KCNJ16: variants seen among roughly 807,000 people sequenced by gnomAD.
KCNJ16 encodes potassium inwardly rectifying channel subfamily J member 16, also known as inward rectifier potassium channel 16.
KCNJ16 carries 15 observed loss-of-function variants against 18.5 expected under a neutral mutation model. The ratio of observed to expected loss-of-function variants is 0.81; its 90% CI spans 0.54 to 1.25. The LOEUF (loss-of-function observed/expected upper bound fraction) is 1.25, where lower values mean the gene tolerates loss of function less well. Among genes scored for constraint, KCNJ16 ranks in the 50% most tolerant of loss-of-function variants. The probability of loss-of-function intolerance (pLI) is 0.00; values close to 1 mark genes in which losing one functional copy is unlikely to be tolerated. For synonymous variants in KCNJ16, 174 were observed against 186.5 expected, an observed-to-expected ratio of 0.93 and a Z score of 0.55; for missense variants, 523 against 525.7, an observed-to-expected ratio of 0.99 and a Z score of 0.05.
At chr17:70,113,888 G>A in intron 2 of KCNJ16, among the ~76,000 whole-genome samples, 1 of 152,146 alleles carries the variant, frequency 6.6e-6, no homozygotes, top group Admixed American at 6.5e-5. Flanking sequence ...ACTCCTGTCA[G>A]CTCTCTAAAT....
intron 1 of KCNJ16, among the ~76,000 whole-genome samples, chr17:70,092,545 TAG>T (rs377131708): frequency 0.14 from 14,783 of 107,822 alleles, 1,210 homozygotes; most frequent in East Asian, 0.19. Context: ...TAGATATAGA[TAG>T]ATATAGATAG....
chr17:70,095,851 C>A (rs1305567634), intron 1 of KCNJ16, among the ~76,000 whole-genome samples: 2 of 136,190 alleles, frequency 1.5e-5, no homozygotes, highest in Non-Finnish European at 3.1e-5. Context: ...GATAATTTGG[C>A]ATTTTATATT....
chr17:70,114,830 T>A (rs1197492302), intron 2 of KCNJ16, among the ~76,000 whole-genome samples: 1 of 152,192 alleles, frequency 6.6e-6, no homozygotes, highest in African/African-American at 2.4e-5. Context: ...AAAGATGATA[T>A]TAATCTACAT....
chr17:70,092,588 TA>T (rs1382158242), intron 1 of KCNJ16, among the ~76,000 whole-genome samples: 1 of 151,406 alleles, frequency 6.6e-6, no homozygotes, highest in Non-Finnish European at 1.5e-5. Context: ...GATAGATAGA[TA>T]GATAGATAGA....
At chr17:70,095,062 T>C (rs1013653852) in intron 1 of KCNJ16, among the ~76,000 whole-genome samples, 2 of 152,244 alleles carry the variant, frequency 1.3e-5, no homozygotes, top group Non-Finnish European at 2.9e-5. Context: ...TATTATTTTC[T>C]TGATTCAACT....
intron 2 of KCNJ16, among the ~76,000 whole-genome samples, chr17:70,103,286 A>ATGTGTGTG (rs1555589099): frequency 3.2e-4 from 33 of 103,790 alleles, no homozygotes; most frequent in Middle Eastern, 6.2e-3. Flanking sequence ...ATATGCATAT[A>ATGTGTGTG]TGTGTGTGTG....
chr17:70,094,459 T>G (rs952066930), intron 1 of KCNJ16, among the ~76,000 whole-genome samples: 3 of 152,144 alleles, frequency 2.0e-5, no homozygotes, highest in African/African-American at 4.8e-5. Context: ...AATTAGAAAT[T>G]TGAGAAATTG....
At chr17:70,115,829 T>C (rs2073379635) in intron 2 of KCNJ16, among the ~76,000 whole-genome samples, 1 of 152,176 alleles carries the variant, frequency 6.6e-6, no homozygotes, top group African/African-American at 2.4e-5. Context: ...GTCACTATAT[T>C]TGTTTTTGTA....
At chr17:70,119,844 T>A (rs2073560878) in intron 2 of KCNJ16, among the ~76,000 whole-genome samples, 1 of 151,434 alleles carries the variant, frequency 6.6e-6, no homozygotes, top group South Asian at 2.1e-4. Context: ...TCCCTTTTAG[T>A]TATGCACATA....
intron 1 of KCNJ16, among the ~76,000 whole-genome samples, chr17:70,094,411 G>C (rs1017039980): frequency 1.3e-5 from 2 of 152,116 alleles, no homozygotes; most frequent in African/African-American, 4.8e-5. Context: ...TTCTACAAGA[G>C]AAAACATCTA....
rs777327796 is a variant in KCNJ16 at position 70,075,257 on chromosome 17, G to A, written c.-433G>A. The A allele has an allele frequency of 6.6e-6, 1 of 152,124 alleles. No individual in the cohort carries two copies. Among genetic ancestry groups the A allele is most frequent in the Non-Finnish European group, 1.5e-5 (1 of 68,020 alleles). The allele number at this position is 152,124 out of a possible 1,614,324, so 9.4% of individuals were successfully genotyped here. A position where few individuals can be genotyped will look rare whatever the true frequency, so the allele number is the denominator to read the frequency against. On this transcript the variant is annotated 5_prime_UTR_variant, in exon 1 of 4. Coordinates refer to ENST00000392671, the MANE Select transcript of KCNJ16 (RefSeq NM_170741.4). ...CAGGGAGGAACTGTAGGAACAAACC[G>A]GTGTCAATGGTTAACCCAGGTTCTT...
chr17:70,083,394 T>C (rs2071643085), intron 1 of KCNJ16, among the ~76,000 whole-genome samples: 1 of 151,786 alleles, frequency 6.6e-6, no homozygotes, highest in South Asian at 2.1e-4. Context: ...TATGGATGTG[T>C]ATAGTCAAGT....
At chr17:70,105,167 T>C (rs1430165222) in intron 2 of KCNJ16, 1 of 152,234 alleles carries the variant, frequency 6.6e-6, no homozygotes, top group Non-Finnish European at 1.5e-5. Context: ...GTATCCCCGC[T>C]AATATGCATC....
At chr17:70,088,038 A>AAAAAG (rs1351566134) in intron 1 of KCNJ16, among the ~76,000 whole-genome samples, 1 of 150,834 alleles carries the variant, frequency 6.6e-6, no homozygotes, top group African/African-American at 2.4e-5. Flanking sequence ...AAAAAAAAAA[A>AAAAAG]AAAGTAAAAG....
intron 1 of KCNJ16, among the ~76,000 whole-genome samples, chr17:70,078,351 G>T (rs903530259): frequency 2.5e-5 from 1 of 40,224 alleles, no homozygotes; most frequent in African/African-American, 9.2e-5. Context: ...CAACAACTCC[G>T]CATAAAAAAA....
intron 1 of KCNJ16, among the ~76,000 whole-genome samples, chr17:70,094,158 A>G (rs940884903): frequency 6.6e-6 from 1 of 152,174 alleles, no homozygotes; most frequent in Non-Finnish European, 1.5e-5. Context: ...AGCTTCCTTT[A>G]TATTTTCCAG....
At position 70,133,156 on chromosome 17, in the gene KCNJ16, C is replaced by A. The variant is rs749205624; in HGVS notation, c.1069C>A (p.Pro357Thr). The change falls in exon 4 of 4, where the codon CCA (proline) becomes ACA (threonine). Residue 357 changes from proline to threonine, a missense_variant. By Grantham distance (38) the Pro-to-Thr change is conservative. Coordinates refer to ENST00000392671, the MANE Select transcript of KCNJ16 (RefSeq NM_170741.4). ...CCAGCAGCTCCACATAGAAAAAGCACCACCAGTTCGAGAATCCTGCACGTC... is the reference window on the plus strand; with the variant it reads ...CCAGCAGCTCCACATAGAAAAAGCAACACCAGTTCGAGAATCCTGCACGTC... ...KDQQLHIEKA[P>T]PVRESCTSDT... is the part of the protein sequence containing the mutation. 6.2e-7 allele frequency: 1 copy of A among 1,614,046 alleles called. No individual in the cohort carries two copies. Among genetic ancestry groups the A allele is most frequent in the East Asian group, 2.2e-5 (1 of 44,900 alleles).
intron 1 of KCNJ16, among the ~76,000 whole-genome samples, chr17:70,077,409 A>G (rs1167458927): frequency 6.6e-6 from 1 of 152,204 alleles, no homozygotes; most frequent in Admixed American, 6.6e-5. Flanking sequence ...ATGAGAGCAA[A>G]TGAAGTTAGG....
intron 1 of KCNJ16, among the ~76,000 whole-genome samples, chr17:70,084,508 A>G (rs1469791815): frequency 6.6e-6 from 1 of 152,230 alleles, no homozygotes; most frequent in Non-Finnish European, 1.5e-5. Context: ...CATGTTGACT[A>G]TCTGATGTTT....
Sources: gnomAD v4.1 joint callset for allele counts (sites outside exome capture counted in the v4.1 genomes callset) on GRCh38, gnomAD v4.1.1 for gene constraint, MANE v1.5 for transcripts, NCBI Gene and HGNC (gene_info 2026-07-23, HGNC 2026-07-21) for gene names.